Variants in PLD5 observed in about 807,000 individuals in gnomAD.
PLD5 encodes inactive phospholipase D5.
In PLD5, 36 loss-of-function variants were observed where a neutral mutation model predicts 61.1. That is an observed-to-expected ratio of 0.59 (90% CI 0.45 to 0.78). The LOEUF (loss-of-function observed/expected upper bound fraction) is 0.78. Ranked by LOEUF, PLD5 falls within the 30% of genes least tolerant of loss-of-function variation. PLD5 has a pLI of 0.00. For synonymous variants in PLD5, 243 were observed against 242.8 expected (o/e 1.00, Z -0.01); for missense variants, 515 against 644.4 (o/e 0.80, Z 2.17).
At chr1:242,525,175 ATGTG>A (rs1669412274), upstream of PLD5, among the ~76,000 whole-genome samples, 1 of 152,070 alleles carries the variant, frequency 6.6e-6, no homozygotes, top group Non-Finnish European at 1.5e-5. Context: ...GCCGAGAGAC[ATGTG>A]TTTTCTGGAG....
chr1:242,513,176 C>T (rs1224355142), intron 1 of PLD5, among the ~76,000 whole-genome samples: 2 of 152,180 alleles, frequency 1.3e-5, no homozygotes, highest in South Asian at 2.1e-4. Flanking sequence ...CACCTGCACT[C>T]AGCCTCCAGT....
At chr1:242,251,568 G>A (rs1009457615) in intron 4 of PLD5, among the ~76,000 whole-genome samples, 6 of 152,128 alleles carry the variant, frequency 3.9e-5, no homozygotes, top group East Asian at 1.9e-4. Context: ...CCGGGCTGCC[G>A]CAGTTGGAGG....
At chr1:242,247,812 T>G (rs316901) in intron 4 of PLD5, among the ~76,000 whole-genome samples, 113,601 of 152,092 alleles carry the variant, frequency 0.75, 42,976 homozygotes, top group East Asian at 0.83. Flanking sequence ...GATGATCCAC[T>G]GTTTAATTCT....
chr1:242,403,292 T>A (rs192621049), intron 1 of PLD5, among the ~76,000 whole-genome samples: 1 of 152,236 alleles, frequency 6.6e-6, no homozygotes. Flanking sequence ...TTTGACTTCC[T>A]CTCTGTTGAC....
At chr1:242,201,485 T>G (rs1668985715) in intron 5 of PLD5, among the ~76,000 whole-genome samples, 1 of 152,118 alleles carries the variant, frequency 6.6e-6, no homozygotes, top group African/African-American at 2.4e-5. Flanking sequence ...TGATGGAGAC[T>G]CAGAGGGATC....
chr1:242,279,175 G>A (rs1241875218), intron 3 of PLD5, among the ~76,000 whole-genome samples: 1 of 152,210 alleles, frequency 6.6e-6, no homozygotes, highest in Non-Finnish European at 1.5e-5. Flanking sequence ...ACTACTGAGG[G>A]AACAATTGCA....
In PLD5 at chr1:242,265,364, T is replaced by C; in HGVS notation, c.580A>G (p.Lys194Glu). The change falls in exon 4 of 10, where the codon AAG (lysine) becomes GAG (glutamate). Residue 194 changes from lysine (K) to glutamate (E), a missense_variant. Physicochemically the swap from Lys to Glu is moderately conservative, Grantham distance 56. Coordinates refer to ENST00000536534, the MANE Select transcript of PLD5 (RefSeq NM_001372062.1). Reference protein sequence around the residue: ...KLVSDVTADSKVLEALKLKGA... With the variant: ...KLVSDVTADSEVLEALKLKGA... ...TTTAATTTCAAGGCTTCTAATACCT[T>C]TGAATCAGCTGTTACATCACTCACT... The C allele has an allele frequency of 6.2e-7, 1 of 1,612,306 alleles. No homozygotes were observed. Among genetic ancestry groups the C allele is most frequent in the Middle Eastern group, 1.7e-4 (1 of 6,042 alleles).
intron 1 of PLD5, among the ~76,000 whole-genome samples, chr1:242,468,762 C>A (rs1487135261): frequency 6.6e-6 from 1 of 151,984 alleles, no homozygotes; most frequent in Non-Finnish European, 1.5e-5. Flanking sequence ...TCTTTGATGA[C>A]AATGGTATTT....
intron 1 of PLD5, among the ~76,000 whole-genome samples, chr1:242,433,935 GA>G (rs1374725801): frequency 6.6e-6 from 1 of 152,204 alleles, no homozygotes; most frequent in Non-Finnish European, 1.5e-5. Context: ...GAGACTGACA[GA>G]AAATGAGGTC....
intron 1 of PLD5, among the ~76,000 whole-genome samples, chr1:242,406,154 C>A (rs1664224680): frequency 6.6e-6 from 1 of 152,146 alleles, no homozygotes; most frequent in Non-Finnish European, 1.5e-5. Flanking sequence ...ATGCATCACA[C>A]CCTCCCAGGG....
At chr1:242,462,438 A>T (rs1180086933) in intron 1 of PLD5, among the ~76,000 whole-genome samples, 1 of 152,020 alleles carries the variant, frequency 6.6e-6, no homozygotes, top group Non-Finnish European at 1.5e-5. Context: ...TCAACATAAA[A>T]CATGGGAACA....
chr1:242,515,573 C>A (rs1390021426), intron 1 of PLD5, among the ~76,000 whole-genome samples: 2 of 152,200 alleles, frequency 1.3e-5, no homozygotes, highest in Admixed American at 6.5e-5. Flanking sequence ...TTCTTTCGTT[C>A]ATTATTATGC....
At chr1:242,190,293 C>T (rs1668176571) in intron 5 of PLD5, among the ~76,000 whole-genome samples, 2 of 151,776 alleles carry the variant, frequency 1.3e-5, no homozygotes, top group African/African-American at 4.8e-5. Flanking sequence ...CTACAGGCAC[C>T]TGCCACCACG....
chr1:242,298,138 A>G (rs1366676141), intron 2 of PLD5, among the ~76,000 whole-genome samples: 1 of 152,130 alleles, frequency 6.6e-6, no homozygotes, highest in Non-Finnish European at 1.5e-5. Flanking sequence ...ATTGTCAAAG[A>G]CAATTAGCTG....
intron 1 of PLD5, among the ~76,000 whole-genome samples, chr1:242,468,114 G>T (rs934732917): frequency 2.6e-5 from 4 of 152,132 alleles, no homozygotes; most frequent in African/African-American, 9.7e-5. Flanking sequence ...TTCATAACAA[G>T]GTCTTTTAAC....
chr1:242,151,046 A>C (rs1319934205), intron 5 of PLD5, among the ~76,000 whole-genome samples: 1 of 151,830 alleles, frequency 6.6e-6, no homozygotes, highest in Non-Finnish European at 1.5e-5. Context: ...CAAATAATAC[A>C]TACCACTTTA....
In PLD5 at chr1:242,200,532, C is replaced by T. The variant is rs563613818; in HGVS notation, c.735+19456G>A. Reference sequence around the variant, plus strand: ...AAGAAGGCTCTCAGCTATGGAAGCTCTAGATTTCTGGGGTACTGCTGTATA... The same window carrying T: ...AAGAAGGCTCTCAGCTATGGAAGCTTTAGATTTCTGGGGTACTGCTGTATA... On this transcript the variant is annotated intron_variant, in intron 5 of 9. Transcript: ENST00000536534. Among the ~76,000 whole-genome samples, 4 of 152,106 alleles carry T rather than the reference C, an allele frequency of 2.6e-5. No homozygotes were observed. In the East Asian group the frequency reaches 7.7e-4, roughly 29 times the overall value.
chr1:242,212,342 A>AT (rs1355172940), intron 5 of PLD5, among the ~76,000 whole-genome samples: 2 of 152,254 alleles, frequency 1.3e-5, no homozygotes, highest in African/African-American at 4.8e-5. Context: ...AGGCAATCAG[A>AT]TGTATAAACC....
chr1:242,393,832 G>C (rs1663147020), intron 1 of PLD5, among the ~76,000 whole-genome samples: 1 of 147,972 alleles, frequency 6.8e-6, no homozygotes, highest in Admixed American at 7.1e-5. Flanking sequence ...GGCCGAGGCG[G>C]GTGGATTACC....
Sources: gnomAD v4.1 joint callset for allele counts (sites outside exome capture counted in the v4.1 genomes callset) on GRCh38, gnomAD v4.1.1 for gene constraint, MANE v1.5 for transcripts, NCBI Gene and HGNC (gene_info 2026-07-23, HGNC 2026-07-21) for gene names.